Variants in HS3ST3B1 observed in about 807,000 individuals in gnomAD.
HS3ST3B1 encodes the protein heparan sulfate glucosamine 3-O-sulfotransferase 3B1.
In HS3ST3B1, 13 loss-of-function variants were observed where a neutral mutation model predicts 21.3. The ratio of observed to expected loss-of-function variants is 0.61; its 90% CI spans 0.40 to 0.97. HS3ST3B1 has a LOEUF of 0.97. Among genes scored for constraint, HS3ST3B1 ranks in the 50% least tolerant of loss-of-function variants. The probability of loss-of-function intolerance (pLI) is 0.00; values close to 1 mark genes in which losing one functional copy is unlikely to be tolerated. For synonymous variants in HS3ST3B1, 234 were observed against 254.8 expected, an observed-to-expected ratio of 0.92 and a Z score of 0.78; for missense variants, 459 against 554.8, an observed-to-expected ratio of 0.83 and a Z score of 1.73.
intron 1 of HS3ST3B1, among the ~76,000 whole-genome samples, chr17:14,312,201 A>AT (rs568363135): frequency 1.3e-5 from 2 of 152,008 alleles, no homozygotes; most frequent in East Asian, 3.9e-4. Context: ...TTCCTGTGTG[A>AT]TTTCCCTTAT....
At chr17:14,317,409 G>A (rs548256173) in intron 1 of HS3ST3B1, among the ~76,000 whole-genome samples, 8 of 152,304 alleles carry the variant, frequency 5.3e-5, no homozygotes, top group African/African-American at 1.9e-4. Flanking sequence ...AAGGTTTTAA[G>A]CCATTGTCCA....
intron 1 of HS3ST3B1, among the ~76,000 whole-genome samples, chr17:14,339,959 G>A (rs1910319256): frequency 6.6e-6 from 1 of 152,176 alleles, no homozygotes; most frequent in African/African-American, 2.4e-5. Context: ...AGAGGAAGGT[G>A]TGCCCAGTTA....
chr17:14,316,783 A>T (rs60727853), intron 1 of HS3ST3B1, among the ~76,000 whole-genome samples: 3,078 of 152,346 alleles, frequency 0.02, 95 homozygotes, highest in African/African-American at 0.07. Context: ...AGCACCGGAA[A>T]CAAAGGAAAC....
At chr17:14,308,266 A>G (rs1225496538) in intron 1 of HS3ST3B1, among the ~76,000 whole-genome samples, 1 of 152,262 alleles carries the variant, frequency 6.6e-6, no homozygotes, top group Non-Finnish European at 1.5e-5. Context: ...ATGATAATAA[A>G]TAATTTTTAT....
chr17:14,323,052 C>T (rs919185575), intron 1 of HS3ST3B1, among the ~76,000 whole-genome samples: 2 of 151,978 alleles, frequency 1.3e-5, no homozygotes, highest in African/African-American at 2.4e-5. Flanking sequence ...ATTACAGGCA[C>T]ATGCCACCAT....
In HS3ST3B1 at chr17:14,346,247, C is replaced by CTTTTTTTTTTTTTTTTTTTTTTTTTTT. The variant is rs71352467; in HGVS notation, c.*623_*624insTTTTTTTTTTTTTTTTTTTTTTTTTTT. 2 of 90,338 alleles carry CTTTTTTTTTTTTTTTTTTTTTTTTTTT rather than the reference C, an allele frequency of 2.2e-5. No individual in the cohort carries two copies. Among genetic ancestry groups the CTTTTTTTTTTTTTTTTTTTTTTTTTTT allele is most frequent in the Non-Finnish European group, 2.0e-5 (1 of 50,806 alleles). 5.6% of individuals were successfully genotyped at this position (90,338 alleles called of 1,614,324 possible). A position where few individuals can be genotyped will look rare whatever the true frequency, so the allele number is the denominator to read the frequency against. ...AGGGACATCCACATCCTTTTTTTTTCTTTTTTTTTTTTTTTTTTTTTTGAG... is the reference window on the plus strand; with the variant it reads ...AGGGACATCCACATCCTTTTTTTTTCTTTTTTTTTTTTTTTTTTTTTTTTTTTTTTTTTTTTTTTTTTTTTTTTTGAG... On this transcript the variant is annotated 3_prime_UTR_variant, in exon 2 of 2. Coordinates refer to ENST00000360954, the MANE Select transcript of HS3ST3B1 (RefSeq NM_006041.3).
intron 1 of HS3ST3B1, among the ~76,000 whole-genome samples, chr17:14,309,067 G>A (rs1476203291): frequency 6.6e-6 from 1 of 152,236 alleles, no homozygotes; most frequent in Non-Finnish European, 1.5e-5. Flanking sequence ...TGTCCAGCAG[G>A]GCCCCAGCTG....
intron 1 of HS3ST3B1, among the ~76,000 whole-genome samples, chr17:14,338,317 G>A (rs1156581546): frequency 6.6e-6 from 1 of 151,516 alleles, no homozygotes; most frequent in East Asian, 1.9e-4. Flanking sequence ...GTAGAGATGG[G>A]GTTTCATCAT....
intron 1 of HS3ST3B1, chr17:14,329,327 A>AAGAG (rs1909911711): frequency 9.3e-6 from 1 of 107,168 alleles, no homozygotes; most frequent in Non-Finnish European, 1.9e-5. Flanking sequence ...GAAAGAAAGA[A>AAGAG]AGAAAGAAAG....
At chr17:14,302,652 G>T (rs1397431497) in intron 1 of HS3ST3B1, among the ~76,000 whole-genome samples, 1 of 152,052 alleles carries the variant, frequency 6.6e-6, no homozygotes, top group Admixed American at 6.5e-5. Context: ...AGCCGCCTGG[G>T]CTCGGGAGGG....
chr17:14,306,442 A>G (rs1909141845), intron 1 of HS3ST3B1, among the ~76,000 whole-genome samples: 1 of 152,364 alleles, frequency 6.6e-6, no homozygotes, highest in East Asian at 1.9e-4. Flanking sequence ...GAATTAATTT[A>G]TTCATAAAAA....
intron 1 of HS3ST3B1, among the ~76,000 whole-genome samples, chr17:14,310,263 G>C (rs1192690586): frequency 6.6e-6 from 1 of 152,058 alleles, no homozygotes; most frequent in East Asian, 1.9e-4. Context: ...CACCTTCCGC[G>C]CTGTTCACAC....
rs1395180064 is a variant in HS3ST3B1 at position 14,303,135 on chromosome 17, G to A, written c.554+1063G>A. Among the ~76,000 whole-genome samples the A allele has an allele frequency of 6.6e-6, 1 of 152,064 alleles. No individual in the cohort carries two copies. Among genetic ancestry groups the A allele is most frequent in the African/African-American group, 2.4e-5 (1 of 41,394 alleles). ...GCAGGAGGTCTAGATTTCGGCCTCC[G>A]ATAACTGTCTTCGACTAGGGGCCCA... On this transcript the variant is annotated intron_variant, in intron 1 of 1. Coordinates refer to ENST00000360954, the MANE Select transcript of HS3ST3B1 (RefSeq NM_006041.3). The surrounding 1 kb of genome is among the most constrained non-coding windows in gnomAD (Gnocchi z 5.7).
chr17:14,324,983 G>T (rs1043960831), intron 1 of HS3ST3B1, among the ~76,000 whole-genome samples: 1 of 152,160 alleles, frequency 6.6e-6, no homozygotes, highest in Non-Finnish European at 1.5e-5. Context: ...AACCAAAAGT[G>T]GGAATATAAG....
At position 14,303,348 on chromosome 17, in the gene HS3ST3B1, A is replaced by G. The variant is rs1000059430; in HGVS notation, c.554+1276A>G. Reference sequence around the variant, plus strand: ...TCGGGACCTGGGTGGGTTGGAGAATAAAAGAGGGCTGACCCCGCGGATTAA... The same window carrying G: ...TCGGGACCTGGGTGGGTTGGAGAATGAAAGAGGGCTGACCCCGCGGATTAA... On this transcript the variant is annotated intron_variant, in intron 1 of 1. Transcript: ENST00000360954. This position sits in a 1 kb window ranked among gnomAD's most constrained non-coding sequence, Gnocchi z 5.7. 6.6e-5 allele frequency among the ~76,000 whole-genome samples: 10 copies of G among 151,532 alleles called. No homozygotes were observed. The highest frequency in any genetic ancestry group is 4.1e-4 in the South Asian group (2 of 4,832).
At chr17:14,315,843 G>T (rs548539302) in intron 1 of HS3ST3B1, among the ~76,000 whole-genome samples, 2 of 151,812 alleles carry the variant, frequency 1.3e-5, no homozygotes, top group Admixed American at 6.6e-5. Flanking sequence ...AAATTAATAG[G>T]TAGAGGGTAG....
chr17:14,330,431 T>A (rs1460442027), intron 1 of HS3ST3B1, among the ~76,000 whole-genome samples: 1 of 152,048 alleles, frequency 6.6e-6, no homozygotes, highest in African/African-American at 2.4e-5. Flanking sequence ...TCCAAGTACC[T>A]GTTGTCTGTG....
intron 1 of HS3ST3B1, among the ~76,000 whole-genome samples, chr17:14,311,539 G>A (rs1022529167): frequency 1.3e-5 from 2 of 152,156 alleles, no homozygotes; most frequent in South Asian, 2.1e-4. Flanking sequence ...GTGTTGACAC[G>A]CTATCACTCA....
intron 1 of HS3ST3B1, among the ~76,000 whole-genome samples, chr17:14,330,734 G>T (rs1180588477): frequency 6.6e-6 from 1 of 152,146 alleles, no homozygotes; most frequent in Non-Finnish European, 1.5e-5. Flanking sequence ...TCTTGGGAAT[G>T]AAGCTGGGAG....
Sources: gnomAD v4.1 joint callset for allele counts (sites outside exome capture counted in the v4.1 genomes callset) on GRCh38, gnomAD v4.1.1 for gene constraint, Gnocchi (gnomAD v3.1) non-coding constraint, MANE v1.5 for transcripts, NCBI Gene and HGNC (gene_info 2026-07-23, HGNC 2026-07-21) for gene names.